The following SRRM1 variants were observed in gnomAD, a reference collection of about 807,000 sequenced individuals.
SRRM1 encodes the protein serine/arginine repetitive matrix protein 1.
In SRRM1, 19 loss-of-function variants were observed where a neutral mutation model predicts 110.2. The observed-to-expected ratio is 0.17, with a 90% confidence interval of 0.12 to 0.25. SRRM1 has a LOEUF of 0.25. Among genes scored for constraint, SRRM1 ranks in the 10% least tolerant of loss-of-function variants. SRRM1 has a pLI of 1.00. For missense variants in SRRM1, 918 were observed against 1,145.8 expected (o/e 0.80, Z 2.87); for synonymous variants, 443 against 414.9 (o/e 1.07, Z -0.82).
In SRRM1 at chr1:24,652,995, C is replaced by G. The variant is rs372235227; in HGVS notation, c.1003C>G (p.Pro335Ala). The G allele has an allele frequency of 3.1e-6, 5 of 1,613,716 alleles. No individual in the cohort carries two copies. Among genetic ancestry groups the G allele is most frequent in the East Asian group, 2.2e-5 (1 of 44,878 alleles). The change falls in exon 8 of 17, where the codon CCA becomes GCA. Residue 335 changes from proline to alanine, a missense_variant. Transcript: ENST00000323848. ...AACTCCGCCAAGAAGAATGCCTCCT[C>G]CACCAAGGCATAGAAGGAGTAGATC... ...RRTPPRRMPP[P>A]PRHRRSRSPV...
At position 24,645,598 on chromosome 1, in the gene SRRM1, A is replaced by G. The variant is rs908852355; in HGVS notation, c.22-386A>G. Among the ~76,000 whole-genome samples, 4 of 152,132 alleles carry G rather than the reference A, an allele frequency of 2.6e-5. No individual in the cohort carries two copies. In the South Asian group the frequency reaches 6.2e-4, roughly 24 times the overall value. ...GCCACAGTAGTTTTGCAAGCATGCAACTGGCTTTCAAAAAAGAATGAAATT... is the reference window on the plus strand; with the variant it reads ...GCCACAGTAGTTTTGCAAGCATGCAGCTGGCTTTCAAAAAAGAATGAAATT... On this transcript the variant is annotated intron_variant, in intron 1 of 16. Coordinates refer to ENST00000323848, the MANE Select transcript of SRRM1 (RefSeq NM_005839.4).
At chr1:24,667,843 G>A (rs1670749205) in intron 13 of SRRM1, among the ~76,000 whole-genome samples, 1 of 151,986 alleles carries the variant, frequency 6.6e-6, no homozygotes, top group South Asian at 2.1e-4. Context: ...GCATGGTGAA[G>A]TGGCAAATCT....
At chr1:24,643,666 C>T (rs954275236) in intron 1 of SRRM1, 2 of 367,702 alleles carry the variant, frequency 5.4e-6, no homozygotes, top group Non-Finnish European at 4.9e-6. Context: ...TGCGTGCCGC[C>T]GGGTCCTGGG....
intron 3 of SRRM1, chr1:24,647,392 A>G (rs1658223411): frequency 6.6e-6 from 1 of 152,524 alleles, no homozygotes; most frequent in Non-Finnish European, 1.5e-5. Context: ...AGGTCTTTGT[A>G]GCTGCATGTC....
At chr1:24,669,758 T>C (rs933629212) in intron 14 of SRRM1, 171 bp downstream of exon 14, 11 of 643,546 alleles carry the variant, frequency 1.7e-5, no homozygotes, top group African/African-American at 1.6e-4. Flanking sequence ...TTCTGTGGTA[T>C]AAGTTAAATG....
intron 9 of SRRM1, among the ~76,000 whole-genome samples, chr1:24,657,715 A>G (rs939190261): frequency 7.9e-5 from 12 of 152,200 alleles, no homozygotes. Context: ...AACATTTGTA[A>G]TTACTGACAT....
At chr1:24,665,784 C>G (rs970963840) in intron 12 of SRRM1, among the ~76,000 whole-genome samples, 2 of 152,152 alleles carry the variant, frequency 1.3e-5, no homozygotes, top group Non-Finnish European at 2.9e-5. Context: ...TTAGTCCCCA[C>G]AAAGCATAAG....
At chr1:24,667,891 T>G (rs1036831074) in intron 13 of SRRM1, among the ~76,000 whole-genome samples, 7 of 150,980 alleles carry the variant, frequency 4.6e-5, no homozygotes, top group Non-Finnish European at 1.0e-4. Flanking sequence ...TATTTTAAAG[T>G]GAAAATTAGG....
chr1:24,670,176 C>A lies in SRRM1; in HGVS notation c.2261C>A (p.Ser754Tyr). 1 of 1,614,046 alleles carries A rather than the reference C, an allele frequency of 6.2e-7. No homozygotes were observed. The change falls in exon 15 of 17, where the codon TCC (serine) becomes TAC (tyrosine). Residue 754 changes from serine to tyrosine, a missense_variant. This residue lies in a region of SRRM1 where 357 missense variants were observed against 402.9 expected (regional missense o/e 0.89). Coordinates refer to ENST00000323848, the MANE Select transcript of SRRM1 (RefSeq NM_005839.4). ...VRRVSSSRSV[S>Y]GSPEPAAKKP... is the part of the protein sequence containing the mutation. ...AGGGTCTCATCCTCCCGATCTGTCT[C>A]CGGGTCTCCTGAGCCAGCAGCTAAA... is the stretch of plus-strand genomic sequence containing the variant.
At chr1:24,651,311 CAGT>C in intron 5 of SRRM1, 95 bp from the exon 6 acceptor site, 1 of 912,210 alleles carries the variant, frequency 1.1e-6, no homozygotes. Context: ...CAGATATAAA[CAGT>C]AGTGTAACTA....
At chr1:24,655,516 A>G (rs1296860859) in intron 9 of SRRM1, among the ~76,000 whole-genome samples, 1 of 151,880 alleles carries the variant, frequency 6.6e-6, no homozygotes. Flanking sequence ...AGGACTTCAT[A>G]TTCTCTTTTA....
Position 24,671,542 on chromosome 1 carries a change from G to T in SRRM1, c.2557G>T (p.Ala853Ser). Residue 853 changes from alanine to serine, a missense_variant, in exon 16 of 17, where the codon GCC becomes TCC. Physicochemically the swap from Ala to Ser is moderately conservative, Grantham distance 99. This residue lies in a region of SRRM1 where 62 missense variants were observed against 127.6 expected (regional missense o/e 0.49). Coordinates refer to ENST00000323848, the MANE Select transcript of SRRM1 (RefSeq NM_005839.4). ...AAVTPAAIAA[A>S]TTTLAQEEPV... ...TGTGACCCCTGCAGCCATTGCAGCTGCCACAACCACATTAGCACAGGAAGA... is the reference window on the plus strand; with the variant it reads ...TGTGACCCCTGCAGCCATTGCAGCTTCCACAACCACATTAGCACAGGAAGA... The T allele has an allele frequency of 6.2e-7, 1 of 1,608,060 alleles. No individual in the cohort carries two copies. The highest frequency in any genetic ancestry group is 1.1e-5 in the South Asian group (1 of 89,546).
intron 9 of SRRM1, among the ~76,000 whole-genome samples, chr1:24,657,110 T>A (rs1418265752): frequency 6.6e-6 from 1 of 152,132 alleles, no homozygotes; most frequent in Non-Finnish European, 1.5e-5. Context: ...AGCCAGCATC[T>A]CACTCTGTCA....
At chr1:24,671,889 T>G (rs1352565426) in intron 16 of SRRM1, among the ~76,000 whole-genome samples, 1 of 151,982 alleles carries the variant, frequency 6.6e-6, no homozygotes, top group African/African-American at 2.4e-5. Flanking sequence ...TCAAAAGATT[T>G]GTGAGGTTGG....
intron 1 of SRRM1, among the ~76,000 whole-genome samples, chr1:24,645,312 A>G (rs1046090528): frequency 6.6e-6 from 1 of 152,262 alleles, no homozygotes; most frequent in African/African-American, 2.4e-5. Flanking sequence ...TGAACCAATC[A>G]GTACATTTCA....
rs760382573 is a variant in SRRM1, at chr1:24,654,863, G to A, written c.1049G>A (p.Arg350His). The A allele has an allele frequency of 1.9e-5, 31 of 1,614,048 alleles. No homozygotes were observed. Among genetic ancestry groups the A allele is most frequent in the East Asian group, 1.8e-4 (8 of 44,902 alleles). Reference sequence around the variant, plus strand: ...AATACTTTATTCCACAGAAGAAGACGTTCGTCAGCATCCTTGTCTGGGAGT... The same window carrying A: ...AATACTTTATTCCACAGAAGAAGACATTCGTCAGCATCCTTGTCTGGGAGT... ...RSRSPVRRRR[R>H]SSASLSGSSS... Residue 350 changes from arginine (R) to histidine (H), a missense_variant, in exon 9 of 17, where the codon CGT (arginine) becomes CAT (histidine). Arg to His is a conservative substitution (Grantham distance 29, BLOSUM62 0). Coordinates refer to ENST00000323848, the MANE Select transcript of SRRM1 (RefSeq NM_005839.4).
chr1:24,662,065 G>A (rs985378800), intron 11 of SRRM1, among the ~76,000 whole-genome samples: 1 of 152,188 alleles, frequency 6.6e-6, no homozygotes, highest in African/African-American at 2.4e-5. Context: ...ACTCCAGCCT[G>A]GGAGCCTGGG....
chr1:24,652,526 A>G lies in SRRM1; in HGVS notation c.818A>G (p.Lys273Arg). 6.2e-7 allele frequency: 1 copy of G among 1,613,642 alleles called. No individual in the cohort carries two copies. The highest frequency in any genetic ancestry group is 8.5e-7 in the Non-Finnish European group (1 of 1,179,838). Reference protein sequence around the residue: ...KNSKKEKEKEKTRPRSRSRSK... With the variant: ...KNSKKEKEKERTRPRSRSRSK... ...TCCAAAAAAGAAAAGGAGAAGGAGA[A>G]GACCCGACCACGATCTCGGTCACGC... Residue 273 changes from lysine (K) to arginine (R), a missense_variant, in exon 7 of 17, where the codon AAG becomes AGG. Transcript: ENST00000323848.
intron 9 of SRRM1, among the ~76,000 whole-genome samples, chr1:24,658,625 T>C (rs904090071): frequency 6.6e-6 from 1 of 152,178 alleles, no homozygotes; most frequent in African/African-American, 2.4e-5. Flanking sequence ...CTCTAAGGTG[T>C]GGTAACTTGG....
Sources: gnomAD v4.1 joint callset for allele counts (sites outside exome capture counted in the v4.1 genomes callset) on GRCh38, gnomAD v4.1.1 for gene constraint, gnomAD v4.1.1 regional missense constraint, MANE v1.5 for transcripts, NCBI Gene and HGNC (gene_info 2026-07-23, HGNC 2026-07-21) for gene names.